MACROD2: variants seen among roughly 807,000 people sequenced by gnomAD.
MACROD2 encodes the protein ADP-ribose glycohydrolase MACROD2.
A neutral mutation model predicts 70.4 loss-of-function variants in MACROD2; 36 were observed. The ratio of observed to expected loss-of-function variants is 0.51; its 90% CI spans 0.39 to 0.68. The LOEUF (loss-of-function observed/expected upper bound fraction) is 0.68. Ranked by LOEUF, MACROD2 falls within the 30% of genes least tolerant of loss-of-function variation. The probability of loss-of-function intolerance (pLI) is 0.00; values close to 1 mark genes in which losing one functional copy is unlikely to be tolerated. For missense variants in MACROD2, 496 were observed against 538.4 expected, an observed-to-expected ratio of 0.92 and a Z score of 0.78; for synonymous variants, 172 against 178.8, an observed-to-expected ratio of 0.96 and a Z score of 0.30.
chr20:15,585,449 G>A (rs1302406463), intron 8 of MACROD2, among the ~76,000 whole-genome samples: 1 of 152,044 alleles, frequency 6.6e-6, no homozygotes, highest in Non-Finnish European at 1.5e-5. Flanking sequence ...ACCCACCTCG[G>A]CCTCCCAAAG....
At chr20:14,047,081 A>G (rs1022661230) in intron 2 of MACROD2, among the ~76,000 whole-genome samples, 27 of 152,202 alleles carry the variant, frequency 1.8e-4, no homozygotes, top group Non-Finnish European at 3.8e-4. Flanking sequence ...TGATACTCAC[A>G]TGAAGCTTAA....
chr20:14,217,712 C>CT (rs1323666672), intron 3 of MACROD2, among the ~76,000 whole-genome samples: 1 of 152,088 alleles, frequency 6.6e-6, no homozygotes, highest in Non-Finnish European at 1.5e-5. Flanking sequence ...TTCAGGGTAT[C>CT]TAATTCCTCC....
chr20:15,865,544 G>A (rs752555611), intron 9 of MACROD2, among the ~76,000 whole-genome samples: 97 of 152,236 alleles, frequency 6.4e-4, no homozygotes, highest in Middle Eastern at 3.4e-3. Context: ...TCCATTGTTA[G>A]GGTTTTTTCT....
intron 2 of MACROD2, among the ~76,000 whole-genome samples, chr20:14,011,434 A>T (rs1395502593): frequency 6.6e-6 from 1 of 151,836 alleles, no homozygotes; most frequent in Admixed American, 6.6e-5. Flanking sequence ...TCTCTTCCTT[A>T]ATAATGAATG....
intron 5 of MACROD2, among the ~76,000 whole-genome samples, chr20:14,916,719 T>C (rs1429718154): frequency 6.6e-6 from 1 of 152,150 alleles, no homozygotes; most frequent in African/African-American, 2.4e-5. Flanking sequence ...TTCTCTCAAC[T>C]TTTCTGTGCA....
intron 6 of MACROD2, among the ~76,000 whole-genome samples, chr20:15,392,884 A>G (rs182299699): frequency 1.8e-4 from 28 of 151,940 alleles, no homozygotes; most frequent in Admixed American, 1.6e-3. Context: ...GAAATTGTAC[A>G]GTGTAAAGTG....
At chr20:14,238,974 C>A (rs1441728102) in intron 3 of MACROD2, among the ~76,000 whole-genome samples, 2 of 139,636 alleles carry the variant, frequency 1.4e-5, no homozygotes, top group Non-Finnish European at 3.0e-5. Context: ...TTGCAGTGAG[C>A]CAAGATTGCG....
At chr20:14,698,819 TTTAA>T (rs978822339) in intron 5 of MACROD2, among the ~76,000 whole-genome samples, 31 of 149,908 alleles carry the variant, frequency 2.1e-4, no homozygotes, top group Non-Finnish European at 3.6e-4. Context: ...TTTAGTATAA[TTTAA>T]TTATTTATAA....
intron 9 of MACROD2, among the ~76,000 whole-genome samples, chr20:15,865,850 C>A (rs1180697372): frequency 1.3e-5 from 2 of 152,172 alleles, no homozygotes; most frequent in Non-Finnish European, 2.9e-5. Context: ...TTTATTAGTT[C>A]TGTATGCACC....
intron 6 of MACROD2, among the ~76,000 whole-genome samples, chr20:15,259,142 G>T (rs2077225978): frequency 6.6e-6 from 1 of 151,860 alleles, no homozygotes; most frequent in Non-Finnish European, 1.5e-5. Flanking sequence ...ACATTCTGCT[G>T]CTTATCTTTT....
intron 8 of MACROD2, among the ~76,000 whole-genome samples, chr20:15,680,686 G>A (rs1023427949): frequency 5.5e-4 from 84 of 152,060 alleles, no homozygotes; most frequent in Admixed American, 5.4e-3. Flanking sequence ...TGGTTTTAAT[G>A]ATTTTATCAG....
At chr20:14,862,165 A>ATAT (rs2073341511) in intron 5 of MACROD2, among the ~76,000 whole-genome samples, 1 of 44,612 alleles carries the variant, frequency 2.2e-5, no homozygotes, top group Non-Finnish European at 3.6e-5. Flanking sequence ...ATATAAATAT[A>ATAT]TATAAATATA....
intron 8 of MACROD2, among the ~76,000 whole-genome samples, chr20:15,795,886 G>T (rs899934701): frequency 6.6e-6 from 1 of 152,128 alleles, no homozygotes; most frequent in African/African-American, 2.4e-5. Flanking sequence ...TCCACAGAAG[G>T]CTGGACAGTC....
At chr20:15,485,624 G>T (rs4814383) in intron 7 of MACROD2, among the ~76,000 whole-genome samples, 126,706 of 152,088 alleles carry the variant, frequency 0.83, 52,942 homozygotes, top group East Asian at 0.98. Context: ...TGTGGGAAAT[G>T]TGCATTTTAA....
At chr20:14,548,977 T>C (rs1034438184) in intron 4 of MACROD2, among the ~76,000 whole-genome samples, 4 of 152,130 alleles carry the variant, frequency 2.6e-5, no homozygotes, top group African/African-American at 9.7e-5. Flanking sequence ...GACATGAATT[T>C]CCCAGAAGTT....
intron 5 of MACROD2, among the ~76,000 whole-genome samples, chr20:14,829,105 G>A (rs1249364190): frequency 3.4e-5 from 5 of 146,228 alleles, no homozygotes; most frequent in Admixed American, 1.4e-4. Flanking sequence ...CTGCTCCCCC[G>A]CCCCACAGTG....
At chr20:15,831,813 T>A (rs1313172210) in intron 8 of MACROD2, among the ~76,000 whole-genome samples, 1 of 152,158 alleles carries the variant, frequency 6.6e-6, no homozygotes, top group Non-Finnish European at 1.5e-5. Flanking sequence ...GCAAAGCCAG[T>A]CCAGTGTCCC....
intron 5 of MACROD2, among the ~76,000 whole-genome samples, chr20:14,902,430 A>G (rs1047997846): frequency 6.6e-6 from 1 of 152,228 alleles, no homozygotes; most frequent in African/African-American, 2.4e-5. Context: ...AAGGATTGGC[A>G]TCAGAGAAAT....
chr20:14,169,194 A>C (rs963459855), intron 3 of MACROD2, among the ~76,000 whole-genome samples: 1 of 152,246 alleles, frequency 6.6e-6, no homozygotes, highest in African/African-American at 2.4e-5. Context: ...GGCATAGAAG[A>C]GACATACATA....
Sources: gnomAD v4.1 joint callset for allele counts (sites outside exome capture counted in the v4.1 genomes callset) on GRCh38, gnomAD v4.1.1 for gene constraint, MANE v1.5 for transcripts, NCBI Gene and HGNC (gene_info 2026-07-23, HGNC 2026-07-21) for gene names.